Variants in GNB1 observed in about 807,000 individuals in gnomAD.
GNB1 encodes the protein G protein subunit beta 1.
GNB1 carries 2 observed loss-of-function variants against 42.9 expected under a neutral mutation model. The observed-to-expected ratio is 0.05, with a 90% CI of 0.02 to 0.15. GNB1 has a LOEUF of 0.15. Ranked by LOEUF, GNB1 falls within the 10% of genes least tolerant of loss-of-function variation. The pLI is 1.00. For synonymous variants in GNB1, 183 were observed against 174.7 expected (o/e 1.05, Z -0.38); for missense variants, 193 against 462.2 (o/e 0.42, Z 5.34).
intron 1 of GNB1, among the ~76,000 whole-genome samples, chr1:1,880,104 A>C (rs1035667503): frequency 1.1e-4 from 16 of 151,458 alleles, no homozygotes; most frequent in African/African-American, 3.6e-4. Flanking sequence ...GCTAATTTTC[A>C]AATTTTTTTG....
intron 1 of GNB1, among the ~76,000 whole-genome samples, chr1:1,843,516 C>A (rs1158354349): frequency 6.6e-6 from 1 of 152,104 alleles, no homozygotes; most frequent in African/African-American, 2.4e-5. Flanking sequence ...CACAAGGCAC[C>A]GCACCCAGCT....
chr1:1,860,675 C>T (rs535081892), intron 1 of GNB1, among the ~76,000 whole-genome samples: 103 of 150,712 alleles, frequency 6.8e-4, no homozygotes, highest in African/African-American at 2.4e-3. Context: ...AGAGTCCCCA[C>T]AAACCAGCCT....
chr1:1,821,605 T>C (rs979061954), intron 3 of GNB1, among the ~76,000 whole-genome samples: 28 of 152,188 alleles, frequency 1.8e-4, no homozygotes, highest in African/African-American at 6.5e-4. Context: ...TCAACAGCTT[T>C]TGCTGTCCCT....
At chr1:1,825,647 G>A (rs573759099) in intron 2 of GNB1, 148 bp from the exon 3 acceptor site, 28 of 526,996 alleles carry the variant, frequency 5.3e-5, no homozygotes, top group Non-Finnish European at 8.7e-5. Context: ...GGCAGATCAC[G>A]AGGTCAGGAG....
chr1:1,836,387 CTTTTTTT>C (rs34812880), intron 2 of GNB1, among the ~76,000 whole-genome samples: 6 of 85,154 alleles, frequency 7.0e-5, no homozygotes, highest in Admixed American at 1.4e-4. Context: ...CTTAATATTG[CTTTTTTT>C]TTTTTTTTTT....
chr1:1,885,556 T>C (rs1245048789), intron 1 of GNB1, among the ~76,000 whole-genome samples: 1 of 144,642 alleles, frequency 6.9e-6, no homozygotes, highest in Non-Finnish European at 1.5e-5. Context: ...TTAATCTTTT[T>C]TTTTTTTTTT....
At chr1:1,866,963 A>G (rs904719348) in intron 1 of GNB1, among the ~76,000 whole-genome samples, 1 of 146,360 alleles carries the variant, frequency 6.8e-6, no homozygotes, top group African/African-American at 2.5e-5. Flanking sequence ...CAAAACAAAC[A>G]AACAAAAAAA....
intron 1 of GNB1, among the ~76,000 whole-genome samples, chr1:1,883,278 C>CA (rs70937202): frequency 0.26 from 19,632 of 74,834 alleles, 1,641 homozygotes; most frequent in Middle Eastern, 0.43. Context: ...AACCCTGTCC[C>CA]AAAAAAAAAA....
chr1:1,804,299 A>C (rs1240472427), intron 7 of GNB1, 120 bp downstream of exon 7: 2 of 685,650 alleles, frequency 2.9e-6, no homozygotes, highest in African/African-American at 3.7e-5. Flanking sequence ...ACTCCGCCTC[A>C]AAAAAAATAA....
At chr1:1,856,153 C>A (rs1367995131) in intron 1 of GNB1, among the ~76,000 whole-genome samples, 3 of 152,154 alleles carry the variant, frequency 2.0e-5, no homozygotes, top group Admixed American at 1.3e-4. Flanking sequence ...TCCTGAGCAG[C>A]CAGGACTAAA....
intron 3 of GNB1, among the ~76,000 whole-genome samples, chr1:1,820,356 TAA>T (rs35466451): frequency 0.019 from 1,960 of 101,834 alleles, 22 homozygotes; most frequent in African/African-American, 0.031. Context: ...AGACTCTGTT[TAA>T]AAAAAAAAAA....
intron 1 of GNB1, among the ~76,000 whole-genome samples, chr1:1,881,888 G>C (rs942985037): frequency 1.3e-5 from 2 of 152,016 alleles, no homozygotes; most frequent in African/African-American, 2.4e-5. Context: ...GTTGGTTGCC[G>C]GATGAAAAAC....
At chr1:1,822,958 C>T (rs12140008) in intron 3 of GNB1, among the ~76,000 whole-genome samples, 2 of 152,014 alleles carry the variant, frequency 1.3e-5, no homozygotes, top group Non-Finnish European at 2.9e-5. Flanking sequence ...ATTCTGATTT[C>T]TAGGCCGGGC....
intron 7 of GNB1, among the ~76,000 whole-genome samples, chr1:1,798,276 C>A (rs1646573387): frequency 2.0e-5 from 3 of 152,200 alleles, no homozygotes; most frequent in African/African-American, 4.8e-5. Context: ...AGCAGACATC[C>A]CAGTCACCAG....
chr1:1,832,604 T>G (rs1647092043), intron 2 of GNB1, among the ~76,000 whole-genome samples: 1 of 152,222 alleles, frequency 6.6e-6, no homozygotes, highest in African/African-American at 2.4e-5. Context: ...ATTTCATATT[T>G]GCAATGCAAT....
At chr1:1,812,657 T>C (rs1245197190) in intron 5 of GNB1, among the ~76,000 whole-genome samples, 2 of 152,202 alleles carry the variant, frequency 1.3e-5, no homozygotes, top group African/African-American at 4.8e-5. Flanking sequence ...CCCACAGGCC[T>C]CACTGAAGAC....
chr1:1,853,975 T>C (rs1648125227), intron 1 of GNB1, among the ~76,000 whole-genome samples: 1 of 152,178 alleles, frequency 6.6e-6, no homozygotes. Flanking sequence ...GGTTCGTATT[T>C]GTATGGCTTC....
intron 7 of GNB1, among the ~76,000 whole-genome samples, chr1:1,801,296 G>A (rs1267246858): frequency 1.3e-5 from 2 of 152,206 alleles, no homozygotes; most frequent in Admixed American, 1.3e-4. Flanking sequence ...CCAAAGTGCT[G>A]GGATTACAGG....
chr1:1,834,178 T>C (rs993440826), intron 2 of GNB1, among the ~76,000 whole-genome samples: 9 of 152,020 alleles, frequency 5.9e-5, no homozygotes, highest in African/African-American at 1.9e-4. Context: ...GCAGGAACTA[T>C]GGTGTGCGGT....
Sources: allele counts gnomAD v4.1 joint callset (sites outside exome capture counted in the v4.1 genomes callset), GRCh38; gene constraint gnomAD v4.1.1; transcripts MANE v1.5; gene names NCBI Gene and HGNC (gene_info 2026-07-23, HGNC 2026-07-21).